Variants in EFNA5 observed in about 807,000 individuals in gnomAD.
The protein encoded by EFNA5 is ephrin A5, also known as ephrin-A5.
A neutral mutation model predicts 22.9 loss-of-function variants in EFNA5; 5 were observed. That is an observed-to-expected ratio of 0.22 (90% confidence interval 0.11 to 0.46). The LOEUF is 0.46. EFNA5 is among the 20% of genes least tolerant of loss of function. EFNA5 has a pLI of 0.99. For synonymous variants in EFNA5, 113 were observed against 112.2 expected, an observed-to-expected ratio of 1.01 and a Z score of -0.04; for missense variants, 237 against 293.3, an observed-to-expected ratio of 0.81 and a Z score of 1.40.
chr5:107,395,034 CTT>C lies in EFNA5; in HGVS notation c.419-7265_419-7264del, dbSNP rs58619326. Among the ~76,000 whole-genome samples the C allele has an allele frequency of 1.5e-3, 128 of 86,132 alleles. 6 individuals are homozygous for C. Among genetic ancestry groups the C allele is most frequent in the African/African-American group, 5.3e-3 (122 of 23,196 alleles). 56.5% of individuals were successfully genotyped at this position (86,132 alleles called of 152,430 possible). ...CCCCTTATAAGAAGGATTTCTAGTT[CTT>C]TTTTTTTTTTTTTTTTCCGCGAGAC... On this transcript the variant is annotated intron_variant, in intron 2 of 4. Transcript: ENST00000333274.
At chr5:107,457,048 C>T (rs192152015) in intron 1 of EFNA5, among the ~76,000 whole-genome samples, 4 of 152,270 alleles carry the variant, frequency 2.6e-5, no homozygotes, top group Non-Finnish European at 5.9e-5. Context: ...CCAAGATTAG[C>T]TGGGCCCACA....
intron 1 of EFNA5, among the ~76,000 whole-genome samples, chr5:107,578,816 A>G (rs1174529511): frequency 6.6e-6 from 1 of 152,206 alleles, no homozygotes; most frequent in Non-Finnish European, 1.5e-5. Context: ...GTCTGAAATT[A>G]AAAGGGAGCC....
chr5:107,458,853 C>G (rs1401031523), intron 1 of EFNA5, among the ~76,000 whole-genome samples: 2 of 152,034 alleles, frequency 1.3e-5, no homozygotes, highest in Non-Finnish European at 2.9e-5. Context: ...GGGGAAGAGA[C>G]AGAATAATTT....
At chr5:107,632,244 C>T (rs1490425616) in intron 1 of EFNA5, among the ~76,000 whole-genome samples, 1 of 152,062 alleles carries the variant, frequency 6.6e-6, no homozygotes, top group African/African-American at 2.4e-5. Context: ...TCTCCTTTTT[C>T]TCCTCACTTG....
At position 107,591,951 on chromosome 5, in the gene EFNA5, A is replaced by ATT. The variant is rs1268968047; in HGVS notation, c.125+78537_125+78538insAA. ...AATATATAATATATATATTATATAT[A>ATT]ATATATAATATATATAATATATATA... On this transcript the variant is annotated intron_variant, in intron 1 of 4. Coordinates refer to ENST00000333274, the MANE Select transcript of EFNA5 (RefSeq NM_001962.3). 1.1e-3 allele frequency among the ~76,000 whole-genome samples: 14 copies of ATT among 12,376 alleles called. 1 individual carries two copies. The highest frequency in any genetic ancestry group is 9.8e-3 in the African/African-American group (14 of 1,434). The allele number at this position is 12,376 out of a possible 152,430, so 8.1% of individuals were successfully genotyped here. A position where few individuals can be genotyped will look rare whatever the true frequency, so the allele number is the denominator to read the frequency against.
At chr5:107,534,459 T>A in intron 1 of EFNA5, among the ~76,000 whole-genome samples, 1 of 152,222 alleles carries the variant, frequency 6.6e-6, no homozygotes, top group East Asian at 1.9e-4. Context: ...TAGGTCATCT[T>A]TAAATACATA....
chr5:107,519,169 A>T (rs921345651), intron 1 of EFNA5, among the ~76,000 whole-genome samples: 2 of 152,248 alleles, frequency 1.3e-5, no homozygotes, highest in African/African-American at 4.8e-5. Flanking sequence ...TATTAATGAG[A>T]TCATATATTA....
chr5:107,657,561 A>G (rs1395454808), intron 1 of EFNA5, among the ~76,000 whole-genome samples: 1 of 152,146 alleles, frequency 6.6e-6, no homozygotes, highest in East Asian at 1.9e-4. Flanking sequence ...AATTAAAGCC[A>G]TTGAGGATTT....
At chr5:107,484,295 C>T (rs761681190) in intron 1 of EFNA5, among the ~76,000 whole-genome samples, 40 of 152,120 alleles carry the variant, frequency 2.6e-4, no homozygotes, top group Non-Finnish European at 4.0e-4. Flanking sequence ...TGAGAGAGGG[C>T]GCCTGGTTCT....
At chr5:107,650,126 A>G (rs1750700508) in intron 1 of EFNA5, among the ~76,000 whole-genome samples, 1 of 152,194 alleles carries the variant, frequency 6.6e-6, no homozygotes, top group African/African-American at 2.4e-5. Flanking sequence ...TACTAATATT[A>G]CCCATATAAA....
intron 1 of EFNA5, among the ~76,000 whole-genome samples, chr5:107,647,253 T>C (rs1028138107): frequency 2.0e-5 from 3 of 152,138 alleles, no homozygotes; most frequent in African/African-American, 7.2e-5. Flanking sequence ...AGCAAACTTC[T>C]TGGTGTAAAT....
intron 2 of EFNA5, among the ~76,000 whole-genome samples, chr5:107,412,350 C>G (rs1748390337): frequency 6.6e-6 from 1 of 152,016 alleles, no homozygotes; most frequent in African/African-American, 2.4e-5. Flanking sequence ...TATCTAAGGA[C>G]CCATAATAGT....
Position 107,492,489 on chromosome 5 carries a change from A to G in EFNA5, c.126-64980T>C, listed in dbSNP as rs527599577. Among the ~76,000 whole-genome samples the G allele has an allele frequency of 3.6e-4, 55 of 152,346 alleles. 1 individual carries two copies. The highest frequency in any genetic ancestry group is 6.8e-3 in the Middle Eastern group (2 of 294). Reference sequence around the variant, plus strand: ...TTTTCCCTCTAAGGTATGCTTGACAAAAGTTCAGCATTTCAAGTAAATACA... The same window carrying G: ...TTTTCCCTCTAAGGTATGCTTGACAGAAGTTCAGCATTTCAAGTAAATACA... On this transcript the variant is annotated intron_variant, in intron 1 of 4. Coordinates refer to ENST00000333274, the MANE Select transcript of EFNA5 (RefSeq NM_001962.3).
intron 1 of EFNA5, among the ~76,000 whole-genome samples, chr5:107,594,904 C>A (rs1426583591): frequency 6.6e-6 from 1 of 152,186 alleles, no homozygotes; most frequent in Non-Finnish European, 1.5e-5. Flanking sequence ...ACCTGGATAC[C>A]AAAGCAGACC....
At chr5:107,450,372 C>T (rs1749527701) in intron 1 of EFNA5, among the ~76,000 whole-genome samples, 1 of 152,126 alleles carries the variant, frequency 6.6e-6, no homozygotes, top group African/African-American at 2.4e-5. Flanking sequence ...TAAGTAAAGC[C>T]ACAGAACTGG....
At chr5:107,586,031 C>T (rs1749180055) in intron 1 of EFNA5, among the ~76,000 whole-genome samples, 1 of 152,084 alleles carries the variant, frequency 6.6e-6, no homozygotes, top group Non-Finnish European at 1.5e-5. Flanking sequence ...CCCCATCAAA[C>T]TAAAGCTAGA....
chr5:107,663,407 G>T (rs1751005631), intron 1 of EFNA5, among the ~76,000 whole-genome samples: 1 of 152,010 alleles, frequency 6.6e-6, no homozygotes, highest in Non-Finnish European at 1.5e-5. Context: ...TTTAAAACAG[G>T]TCTAATCAAT....
At chr5:107,398,363 T>C (rs1747984662) in intron 2 of EFNA5, among the ~76,000 whole-genome samples, 2 of 152,164 alleles carry the variant, frequency 1.3e-5, no homozygotes, top group Non-Finnish European at 2.9e-5. Context: ...TTACTAGCAC[T>C]TAACCCATTC....
intron 2 of EFNA5, among the ~76,000 whole-genome samples, chr5:107,409,142 A>G (rs2112399147): frequency 6.6e-6 from 1 of 152,332 alleles, no homozygotes; most frequent in South Asian, 2.1e-4. Flanking sequence ...AGACAGTTCA[A>G]AAAGCATTGA....
Sources: allele counts gnomAD v4.1 joint callset (sites outside exome capture counted in the v4.1 genomes callset), GRCh38; gene constraint gnomAD v4.1.1; transcripts MANE v1.5; gene names NCBI Gene and HGNC (gene_info 2026-07-23, HGNC 2026-07-21).